The following DTNA variants were observed in gnomAD, a reference collection of about 807,000 sequenced individuals.
The protein encoded by DTNA is dystrobrevin alpha.
In DTNA, 43 loss-of-function variants were observed where a neutral mutation model predicts 100.7. The observed-to-expected ratio is 0.43, with a 90% CI of 0.33 to 0.55. The LOEUF is 0.55. DTNA is among the 20% of genes least tolerant of loss of function. DTNA has a pLI of 0.04. For synonymous variants in DTNA, 349 were observed against 347.9 expected (o/e 1.00, Z -0.04); for missense variants, 798 against 953.9 (o/e 0.84, Z 2.15).
rs547219649 is a variant in DTNA at position 34,818,047 on chromosome 18, T to G, written c.710-117T>G. On this transcript the variant is annotated intron_variant, in intron 7 of 22. Coordinates refer to ENST00000444659, the MANE Select transcript of DTNA (RefSeq NM_001386795.1). ...AATGTTTCTCTGAGCCCAAATCAAC[T>G]ATCATCTGAAATCGTGGTGCAGAGA... 17 of 1,590,826 alleles carry G rather than the reference T, an allele frequency of 1.1e-5. No homozygotes were observed. In the South Asian group the frequency reaches 1.9e-4, roughly 18 times the overall value.
chr18:34,813,662 G>T (rs913895783), intron 6 of DTNA, among the ~76,000 whole-genome samples: 1 of 151,994 alleles, frequency 6.6e-6, no homozygotes, highest in South Asian at 2.1e-4. Flanking sequence ...AGACCAGCCT[G>T]TCCAATATGT....
chr18:34,761,744 A>G (rs2093185585), intron 2 of DTNA, among the ~76,000 whole-genome samples: 1 of 152,212 alleles, frequency 6.6e-6, no homozygotes, highest in African/African-American at 2.4e-5. Context: ...AAAGTTTCAA[A>G]TATATGTAGA....
At chr18:34,725,675 T>TG (rs1371216914) in intron 1 of DTNA, among the ~76,000 whole-genome samples, 8 of 152,240 alleles carry the variant, frequency 5.3e-5, no homozygotes, top group African/African-American at 1.9e-4. Flanking sequence ...TCAGCCATTG[T>TG]GGAAGACAGT....
intron 1 of DTNA, among the ~76,000 whole-genome samples, chr18:34,555,883 G>A (rs1301074451): frequency 6.6e-6 from 1 of 152,068 alleles, no homozygotes; most frequent in East Asian, 1.9e-4. Context: ...ATGTCTATTA[G>A]GTCCGCTTGG....
intron 1 of DTNA, among the ~76,000 whole-genome samples, chr18:34,608,278 G>A (rs1298765482): frequency 3.9e-5 from 6 of 152,204 alleles, no homozygotes; most frequent in South Asian, 2.1e-4. Context: ...ATCACGGTCA[G>A]GAGTAGTCTT....
chr18:34,715,584 C>T (rs2083877996), intron 1 of DTNA, among the ~76,000 whole-genome samples: 1 of 151,678 alleles, frequency 6.6e-6, no homozygotes, highest in Non-Finnish European at 1.5e-5. Context: ...TCTACACATC[C>T]CTGACATGAA....
At chr18:34,662,693 G>T (rs1475165462) in intron 1 of DTNA, among the ~76,000 whole-genome samples, 1 of 152,136 alleles carries the variant, frequency 6.6e-6, no homozygotes, top group African/African-American at 2.4e-5. Flanking sequence ...ATCTGAAAAA[G>T]AAATGATAAT....
intron 5 of DTNA, among the ~76,000 whole-genome samples, chr18:34,808,007 G>T (rs948968061): frequency 1.3e-5 from 2 of 151,722 alleles, no homozygotes; most frequent in African/African-American, 4.8e-5. Flanking sequence ...ACCCCAACTG[G>T]CCATTTACGA....
upstream of DTNA, among the ~76,000 whole-genome samples, chr18:34,705,993 G>A (rs2082062332): frequency 6.6e-6 from 1 of 152,108 alleles, no homozygotes; most frequent in South Asian, 2.1e-4. Flanking sequence ...TGTTTCCCAG[G>A]CTAGAGTGTA....
intron 1 of DTNA, among the ~76,000 whole-genome samples, chr18:34,611,143 A>G (rs1224856679): frequency 6.6e-6 from 1 of 152,226 alleles, no homozygotes; most frequent in Non-Finnish European, 1.5e-5. Flanking sequence ...GAAAAAATAT[A>G]AAATTCATAA....
intron 1 of DTNA, among the ~76,000 whole-genome samples, chr18:34,537,651 G>A (rs1218140978): frequency 6.6e-6 from 1 of 151,756 alleles, no homozygotes; most frequent in Non-Finnish European, 1.5e-5. Context: ...AAATATGAAG[G>A]AATGGCAATA....
intron 1 of DTNA, among the ~76,000 whole-genome samples, chr18:34,601,603 C>T (rs908110459): frequency 9.9e-5 from 15 of 152,206 alleles, no homozygotes; most frequent in African/African-American, 3.4e-4. Context: ...CAGATTTAGA[C>T]TTAAAGTCAT....
chr18:34,667,718 G>T (rs1335799447), intron 1 of DTNA, among the ~76,000 whole-genome samples: 2 of 152,080 alleles, frequency 1.3e-5, no homozygotes, highest in African/African-American at 4.8e-5. Flanking sequence ...TTATATGCTG[G>T]ATTATGTTTA....
chr18:34,573,273 A>G (rs552828354), intron 1 of DTNA, among the ~76,000 whole-genome samples: 1 of 152,348 alleles, frequency 6.6e-6, no homozygotes, highest in East Asian at 1.9e-4. Context: ...AGCTACACAC[A>G]TAACACAACT....
chr18:34,666,141 G>T (rs1453693615), intron 1 of DTNA, among the ~76,000 whole-genome samples: 1 of 152,178 alleles, frequency 6.6e-6, no homozygotes, highest in Non-Finnish European at 1.5e-5. Flanking sequence ...ATATCTCATT[G>T]TGGTTTTGAT....
intron 1 of DTNA, among the ~76,000 whole-genome samples, chr18:34,494,507 T>C (rs979674708): frequency 3.9e-5 from 6 of 152,084 alleles, no homozygotes; most frequent in Non-Finnish European, 5.9e-5. Flanking sequence ...GAGAGGTGTC[T>C]GTCAAAAGAC....
chr18:34,753,537 T>C (rs1028744678), intron 1 of DTNA, among the ~76,000 whole-genome samples: 1 of 145,968 alleles, frequency 6.9e-6, no homozygotes, highest in Non-Finnish European at 1.5e-5. Flanking sequence ...CGCCCGCCAC[T>C]ACGCCCGGCT....
intron 1 of DTNA, among the ~76,000 whole-genome samples, chr18:34,650,819 T>A (rs2060359135): frequency 6.6e-6 from 1 of 152,232 alleles, no homozygotes; most frequent in Non-Finnish European, 1.5e-5. Context: ...AATATAGTTA[T>A]TCTTTTTACT....
At chr18:34,879,980 C>T (rs2096856613) in intron 20 of DTNA, among the ~76,000 whole-genome samples, 1 of 152,098 alleles carries the variant, frequency 6.6e-6, no homozygotes, top group Non-Finnish European at 1.5e-5. Flanking sequence ...AGGCACATTG[C>T]TAGTGCTATA....
Sources: gnomAD v4.1 joint callset for allele counts (sites outside exome capture counted in the v4.1 genomes callset) on GRCh38, gnomAD v4.1.1 for gene constraint, MANE v1.5 for transcripts, NCBI Gene and HGNC (gene_info 2026-07-23, HGNC 2026-07-21) for gene names.